Variants in PTPRQ observed in about 807,000 individuals in gnomAD.
PTPRQ encodes the protein protein tyrosine phosphatase receptor type Q.
In PTPRQ, 199 loss-of-function variants were observed where a neutral mutation model predicts 246.0. The observed-to-expected ratio is 0.81, with a 90% CI of 0.72 to 0.91. The LOEUF is 0.91. PTPRQ is among the 40% of genes least tolerant of loss of function. PTPRQ has a pLI of 0.00. For synonymous variants in PTPRQ, 869 were observed against 853.2 expected, an observed-to-expected ratio of 1.02 and a Z score of -0.32; for missense variants, 2,624 against 2,528.4, an observed-to-expected ratio of 1.04 and a Z score of -0.81.
intron 35 of PTPRQ, 41 bp from the exon 36 acceptor site, chr12:80,648,856 C>A (rs760405564): frequency 1.9e-5 from 29 of 1,506,962 alleles, no homozygotes; most frequent in Non-Finnish European, 2.5e-5. Flanking sequence ...ATTAGCTGTC[C>A]ACTCTGACTC....
At chr12:80,503,400 A>G (rs967829524) in intron 14 of PTPRQ, among the ~76,000 whole-genome samples, 2 of 151,844 alleles carry the variant, frequency 1.3e-5, no homozygotes, top group African/African-American at 2.4e-5. Context: ...AAAAGTATCA[A>G]TATTCTTAAA....
intron 14 of PTPRQ, among the ~76,000 whole-genome samples, chr12:80,505,041 G>T (rs1030181812): frequency 1.3e-5 from 2 of 151,774 alleles, no homozygotes; most frequent in Admixed American, 6.6e-5. Context: ...AATAACCCTG[G>T]TTAAAGTTGC....
intron 30 of PTPRQ, among the ~76,000 whole-genome samples, chr12:80,616,770 T>A (rs1016841019): frequency 6.6e-6 from 1 of 151,318 alleles, no homozygotes. Context: ...CTGGCAAGTA[T>A]TTTTTATAGA....
chr12:80,562,012 T>C (rs1166848528), intron 25 of PTPRQ, among the ~76,000 whole-genome samples: 3 of 152,210 alleles, frequency 2.0e-5, no homozygotes, highest in Admixed American at 2.0e-4. Flanking sequence ...ATGCTTTTTT[T>C]TGCATTGATT....
At chr12:80,661,711 C>T (rs1472095521) in intron 39 of PTPRQ, among the ~76,000 whole-genome samples, 1 of 151,466 alleles carries the variant, frequency 6.6e-6, no homozygotes, top group Non-Finnish European at 1.5e-5. Flanking sequence ...TAAAGAAAAC[C>T]TGTTCAAGGA....
At chr12:80,473,070 CACACACAG>C (rs1297265427) in intron 8 of PTPRQ, among the ~76,000 whole-genome samples, 1 of 151,858 alleles carries the variant, frequency 6.6e-6, no homozygotes, top group Non-Finnish European at 1.5e-5. Context: ...CACACACACA[CACACACAG>C]GTCATACATT....
At chr12:80,460,423 G>A (rs1343802760) in intron 5 of PTPRQ, among the ~76,000 whole-genome samples, 1 of 152,108 alleles carries the variant, frequency 6.6e-6, no homozygotes, top group Non-Finnish European at 1.5e-5. Context: ...TAAGCCACTT[G>A]AAATTCTATT....
In PTPRQ at chr12:80,588,217, C is replaced by T; in HGVS notation, c.4374C>T (p.Gly1458=). ...LTWIRPDTIL[G]YFQNYKITTQ... is the part of the protein sequence containing the mutation. Reference sequence around the variant, plus strand: ...GGATAAGACCTGACACTATCCTTGGCTACTTTCAAAATTACAAAATTACCA... The same window carrying T: ...GGATAAGACCTGACACTATCCTTGGTTACTTTCAAAATTACAAAATTACCA... Residue 1458 remains glycine, a synonymous_variant, in exon 26 of 45, where the codon GGC becomes GGT. Coordinates refer to ENST00000644991, the MANE Select transcript of PTPRQ (RefSeq NM_001145026.2). 2 of 1,551,542 alleles carry T rather than the reference C, an allele frequency of 1.3e-6. No individual in the cohort carries two copies. Among genetic ancestry groups the T allele is most frequent in the Non-Finnish European group, 1.7e-6 (2 of 1,146,912 alleles).
rs570930614 is a variant in PTPRQ at position 80,549,028 on chromosome 12, C to T, written c.4016-437C>T. 1.3e-4 allele frequency among the ~76,000 whole-genome samples: 20 copies of T among 152,230 alleles called. No homozygotes were observed. In the East Asian group the frequency reaches 3.7e-3, roughly 28 times the overall value. On this transcript the variant is annotated intron_variant, in intron 24 of 44. Coordinates refer to ENST00000644991, the MANE Select transcript of PTPRQ (RefSeq NM_001145026.2). ...GTACCTTTAAATTAGTTAGGGGTTT[C>T]CAAGTACTGTGAAGCCCAGATTTGT...
chr12:80,493,685 G>C (rs1894522672), intron 10 of PTPRQ, among the ~76,000 whole-genome samples: 1 of 151,992 alleles, frequency 6.6e-6, no homozygotes, highest in Admixed American at 6.6e-5. Flanking sequence ...TAGCACCCTA[G>C]AGTCTCTGGC....
intron 14 of PTPRQ, among the ~76,000 whole-genome samples, chr12:80,497,307 A>C (rs1439907217): frequency 6.6e-6 from 1 of 151,874 alleles, no homozygotes; most frequent in Non-Finnish European, 1.5e-5. Context: ...TCAGGCATTA[A>C]ATTCTCATAA....
intron 17 of PTPRQ, among the ~76,000 whole-genome samples, chr12:80,521,622 C>T (rs1337358668): frequency 6.6e-6 from 1 of 152,046 alleles, no homozygotes; most frequent in Non-Finnish European, 1.5e-5. Flanking sequence ...AATAGGGAAT[C>T]CTTTCCCCAT....
chr12:80,677,549 A>G (rs577588861), intron 43 of PTPRQ, among the ~76,000 whole-genome samples: 1 of 152,226 alleles, frequency 6.6e-6, no homozygotes, highest in Non-Finnish European at 1.5e-5. Context: ...TGTGCCCGGC[A>G]CTATTATAGG....
chr12:80,549,658 C>T lies in PTPRQ; in HGVS notation c.4209C>T (p.Val1403=). 6.4e-7 allele frequency: 1 copy of T among 1,551,134 alleles called. No individual in the cohort carries two copies. Among genetic ancestry groups the T allele is most frequent in the Non-Finnish European group, 8.7e-7 (1 of 1,146,554 alleles). The stretch of plus-strand genomic sequence containing the variant: ...AGCTTCTTGCCAATACCTCATATGT[C>T]TTTAAAGTAAGAGCTTCAACCTCAG... ...FIKLLANTSY[V]FKVRASTSAG... Residue 1403 remains valine (V), a synonymous_variant, in exon 25 of 45, where the codon GTC becomes GTT. Coordinates refer to ENST00000644991, the MANE Select transcript of PTPRQ (RefSeq NM_001145026.2).
At chr12:80,496,670 C>G in intron 14 of PTPRQ, 139 bp downstream of exon 14, 1 of 1,107,928 alleles carries the variant, frequency 9.0e-7, no homozygotes. Context: ...AATTAATTTT[C>G]TTTTTCAGGC....
chr12:80,620,528 T>C (rs1273267486), intron 32 of PTPRQ, among the ~76,000 whole-genome samples, 152 bp downstream of exon 32: 1 of 151,796 alleles, frequency 6.6e-6, no homozygotes, highest in African/African-American at 2.4e-5. Context: ...AATAGAAAGA[T>C]AAACTGAAAA....
chr12:80,524,252 G>T (rs1282587129), intron 17 of PTPRQ, among the ~76,000 whole-genome samples: 2 of 152,056 alleles, frequency 1.3e-5, no homozygotes, highest in African/African-American at 4.8e-5. Context: ...TTGAGCCTAT[G>T]TGTGTCTCTG....
In PTPRQ at chr12:80,445,523, A is replaced by G. The variant is rs761805006; in HGVS notation, c.196A>G (p.Arg66Gly). Reference sequence around the variant, plus strand: ...GCCTCCAGTCTTCCTAGCCGGGGAAAGAGTCGGATCTGCTGGGATTCTTCT... The same window carrying G: ...GCCTCCAGTCTTCCTAGCCGGGGAAGGAGTCGGATCTGCTGGGATTCTTCT... ...PGPPVFLAGE[R>G]VGSAGILLSW... The change falls in exon 3 of 45, where the codon AGA becomes GGA. Residue 66 changes from arginine (R) to glycine (G), a missense_variant. By Grantham distance (125) the Arg-to-Gly change is moderately radical. Transcript: ENST00000644991. The G allele has an allele frequency of 6.5e-7, 1 of 1,547,668 alleles. No homozygotes were observed. The highest frequency in any genetic ancestry group is 1.2e-5 in the South Asian group (1 of 83,592).
At chr12:80,620,860 A>G (rs919710450) in intron 32 of PTPRQ, among the ~76,000 whole-genome samples, 7 of 151,840 alleles carry the variant, frequency 4.6e-5, no homozygotes, top group Non-Finnish European at 7.4e-5. Context: ...AATATTTAAT[A>G]CCACCTTTAA....
Sources: allele counts gnomAD v4.1 joint callset (sites outside exome capture counted in the v4.1 genomes callset), GRCh38; gene constraint gnomAD v4.1.1; transcripts MANE v1.5; gene names NCBI Gene and HGNC (gene_info 2026-07-23, HGNC 2026-07-21).